IFI16: variants seen among roughly 807,000 people sequenced by gnomAD.
The protein encoded by IFI16 is gamma-interferon-inducible protein 16.
A neutral mutation model predicts 68.4 loss-of-function variants in IFI16; 49 were observed. The ratio of observed to expected loss-of-function variants is 0.72; its 90% CI spans 0.57 to 0.91. The LOEUF is 0.91. Ranked by LOEUF, IFI16 falls within the 40% of genes least tolerant of loss-of-function variation. IFI16 has a pLI of 0.00. For missense variants in IFI16, 878 were observed against 942.9 expected (o/e 0.93, Z 0.90); for synonymous variants, 307 against 315.0 (o/e 0.97, Z 0.27).
intron 6 of IFI16, among the ~76,000 whole-genome samples, chr1:159,026,789 A>G (rs56348543): frequency 0.33 from 49,593 of 151,966 alleles, 11,289 homozygotes; most frequent in African/African-American, 0.65. Context: ...TATTGTGAAA[A>G]TGGTTGAGTT....
At chr1:159,021,395 C>T (rs1653305402) in intron 6 of IFI16, among the ~76,000 whole-genome samples, 1 of 152,148 alleles carries the variant, frequency 6.6e-6, no homozygotes. Context: ...TAATGGTCTC[C>T]AATTCCATCC....
chr1:159,051,728 G>A lies in IFI16; in HGVS notation c.1715G>A (p.Ser572Asn), dbSNP rs1470567843. Residue 572 changes from serine (S) to asparagine (N), a missense_variant, in exon 10 of 12, where the codon AGT (serine) becomes AAT (asparagine). Physicochemically the swap from Ser to Asn is conservative, Grantham distance 46. Transcript: ENST00000295809. The stretch of plus-strand genomic sequence containing the variant: ...CCTGAAGAAGTTTCCATAGAAGACA[G>A]TGCCCAGAGTGACCTCAAAGAAGTG... The part of the protein sequence containing the change: ...TEPEEVSIED[S>N]AQSDLKEVMV... The A allele has an allele frequency of 3.7e-6, 6 of 1,614,008 alleles. No homozygotes were observed. The highest frequency in any genetic ancestry group is 3.3e-5 in the Admixed American group (2 of 60,020).
chr1:159,014,133 G>A (rs1213534691), intron 1 of IFI16, among the ~76,000 whole-genome samples: 1 of 152,190 alleles, frequency 6.6e-6, no homozygotes, highest in Non-Finnish European at 1.5e-5. Flanking sequence ...CCAAAGAAGG[G>A]AGGATGCTAA....
chr1:159,013,800 A>G (rs1439433346), intron 1 of IFI16, among the ~76,000 whole-genome samples: 1 of 152,182 alleles, frequency 6.6e-6, no homozygotes, highest in Non-Finnish European at 1.5e-5. Flanking sequence ...TGAAGCATAG[A>G]TACAAGGAGT....
intron 5 of IFI16, among the ~76,000 whole-genome samples, chr1:159,019,195 G>C (rs1319201317): frequency 1.3e-5 from 2 of 150,896 alleles, no homozygotes; most frequent in Admixed American, 1.3e-4. Flanking sequence ...GAACAATTGG[G>C]AAATACGAAT....
chr1:159,036,110 C>G (rs1412158540), intron 7 of IFI16, among the ~76,000 whole-genome samples: 1 of 152,152 alleles, frequency 6.6e-6, no homozygotes, highest in Non-Finnish European at 1.5e-5. Context: ...ATACAAATCC[C>G]TGCAGAGACA....
chr1:159,044,876 T>A (rs1654884384), intron 7 of IFI16, among the ~76,000 whole-genome samples: 1 of 152,014 alleles, frequency 6.6e-6, no homozygotes, highest in African/African-American at 2.4e-5. Flanking sequence ...GGGTTTCTTG[T>A]ATGCTGAAGA....
At chr1:159,044,535 G>T (rs574951013) in intron 7 of IFI16, among the ~76,000 whole-genome samples, 1 of 152,142 alleles carries the variant, frequency 6.6e-6, no homozygotes, top group African/African-American at 2.4e-5. Context: ...AAAAAATTAG[G>T]TTACTGAATG....
upstream of IFI16, among the ~76,000 whole-genome samples, chr1:159,007,840 T>C (rs187837811): frequency 2.5e-4 from 38 of 152,242 alleles, no homozygotes; most frequent in Admixed American, 1.8e-3. Context: ...AAGACCCAAA[T>C]CAACTAAGAT....
At chr1:159,038,183 C>T (rs1654430335) in intron 7 of IFI16, among the ~76,000 whole-genome samples, 1 of 152,044 alleles carries the variant, frequency 6.6e-6, no homozygotes, top group Non-Finnish European at 1.5e-5. Context: ...AAAATTCTGT[C>T]ATATATCCAT....
intron 7 of IFI16, among the ~76,000 whole-genome samples, chr1:159,042,163 A>G (rs917996166): frequency 6.6e-5 from 10 of 152,120 alleles, no homozygotes; most frequent in Non-Finnish European, 1.2e-4. Flanking sequence ...ACTACCCTCT[A>G]TATGATCCAG....
upstream of IFI16, among the ~76,000 whole-genome samples, chr1:159,002,887 T>C (rs1571815124): frequency 6.6e-6 from 1 of 152,210 alleles, no homozygotes; most frequent in East Asian, 1.9e-4. Flanking sequence ...AGAGCCAGAG[T>C]TACCTGAGAA....
At chr1:159,014,580 G>T in intron 1 of IFI16, 81 bp from the exon 2 acceptor site, 1 of 846,512 alleles carries the variant, frequency 1.2e-6, no homozygotes, top group South Asian at 2.1e-5. Flanking sequence ...CTTTCATATG[G>T]GCCACTCACT....
intron 3 of IFI16, 26 bp downstream of exon 3, chr1:159,016,013 T>G: frequency 6.8e-7 from 1 of 1,470,848 alleles, no homozygotes; most frequent in Non-Finnish European, 9.5e-7. Flanking sequence ...AGGAGCAGGC[T>G]TCAAGTCCCA....
chr1:159,020,666 A>C, intron 6 of IFI16, 137 bp downstream of exon 6: 1 of 536,300 alleles, frequency 1.9e-6, no homozygotes, highest in Non-Finnish European at 3.2e-6. Context: ...CCTTGTATTC[A>C]CATTTACTTT....
chr1:159,013,419 C>T (rs1259580279), intron 1 of IFI16, among the ~76,000 whole-genome samples: 22 of 152,072 alleles, frequency 1.4e-4, no homozygotes, highest in South Asian at 4.1e-4. Context: ...TCGACCACCT[C>T]GGCCTCCCAA....
intron 7 of IFI16, among the ~76,000 whole-genome samples, chr1:159,041,975 T>C (rs978361287): frequency 6.6e-6 from 1 of 152,250 alleles, no homozygotes; most frequent in African/African-American, 2.4e-5. Context: ...GATGTTTTCT[T>C]AGCTCCAACC....
chr1:159,050,264 A>AT (rs200881245), intron 9 of IFI16, among the ~76,000 whole-genome samples: 4 of 152,166 alleles, frequency 2.6e-5, no homozygotes, highest in East Asian at 3.8e-4. Context: ...AAAAATGATC[A>AT]TTTTTTATTT....
chr1:159,034,951 G>T (rs1313302918), intron 7 of IFI16, among the ~76,000 whole-genome samples: 1 of 152,170 alleles, frequency 6.6e-6, no homozygotes, highest in Non-Finnish European at 1.5e-5. Context: ...TATGACCCTT[G>T]TAGTCACCTG....
Sources: gnomAD v4.1 joint callset for allele counts (sites outside exome capture counted in the v4.1 genomes callset) on GRCh38, gnomAD v4.1.1 for gene constraint, MANE v1.5 for transcripts, NCBI Gene and HGNC (gene_info 2026-07-23, HGNC 2026-07-21) for gene names.